Variants in STARD13 observed in about 807,000 individuals in gnomAD.
STARD13 encodes the protein StAR related lipid transfer domain containing 13.
In STARD13, 62 loss-of-function variants were observed where a neutral mutation model predicts 106.4. The observed-to-expected ratio is 0.58, with a 90% confidence interval of 0.48 to 0.72. STARD13 has a LOEUF of 0.72. Ranked by LOEUF, STARD13 falls within the 30% of genes least tolerant of loss-of-function variation. The pLI is 0.00. For missense variants in STARD13, 1,387 were observed against 1,424.0 expected, an observed-to-expected ratio of 0.97 and a Z score of 0.42; for synonymous variants, 565 against 553.0, an observed-to-expected ratio of 1.02 and a Z score of -0.31.
At chr13:33,175,259 T>G (rs1326225281) in intron 1 of STARD13, among the ~76,000 whole-genome samples, 1 of 152,198 alleles carries the variant, frequency 6.6e-6, no homozygotes, top group East Asian at 1.9e-4. Context: ...GGAGGCTGCA[T>G]GCATACATCC....
the STARD13 span, among the ~76,000 whole-genome samples, chr13:33,518,009 AAACAACAAC>A: frequency 0.01 from 1,535 of 150,450 alleles, 27 homozygotes; most frequent in African/African-American, 0.033. Flanking sequence ...TGGCAAAAAC[AAACAACAAC>A]AACAACAACA....
intron 1 of STARD13, among the ~76,000 whole-genome samples, chr13:33,251,910 C>T (rs11619441): frequency 0.21 from 31,917 of 152,106 alleles, 3,592 homozygotes; most frequent in Non-Finnish European, 0.24. Flanking sequence ...AATTCCCTTC[C>T]TTTCCAAAAC....
rs536099947 is a variant in STARD13 at position 33,205,858 on chromosome 13, A to G, written c.170-38236T>C. On this transcript the variant is annotated intron_variant, in intron 1 of 13. Transcript: ENST00000336934. ...TCCTTAGGCTGTGCTGTACCTTTCA[A>G]ACAAAACCCCTCTCTTCTTCAATTC... The G allele has an allele frequency of 4.1e-6, 4 of 985,434 alleles. No homozygotes were observed. In the African/African-American group the frequency reaches 7.0e-5, roughly 17 times the overall value. The allele number at this position is 985,434 out of a possible 1,614,324, so 61.0% of individuals were successfully genotyped here. A position where few individuals can be genotyped will look rare whatever the true frequency, so the allele number is the denominator to read the frequency against.
chr13:33,590,131 A>G, the STARD13 span, among the ~76,000 whole-genome samples: 1 of 152,172 alleles, frequency 6.6e-6, no homozygotes, highest in Non-Finnish European at 1.5e-5. Context: ...GAGAAATGCA[A>G]ATCAAAACCA....
the STARD13 span, among the ~76,000 whole-genome samples, chr13:33,592,976 A>C: frequency 6.6e-6 from 1 of 151,966 alleles, no homozygotes; most frequent in Non-Finnish European, 1.5e-5. Context: ...GAGGCTGAAG[A>C]CCACTTGGAT....
intron 1 of STARD13, among the ~76,000 whole-genome samples, chr13:33,308,520 C>CTTTTTTTTTTTTTTCT (rs1893004155): frequency 2.3e-5 from 2 of 88,554 alleles, no homozygotes; most frequent in African/African-American, 8.8e-5. Context: ...CTTTTTCTTT[C>CTTTTTTTTTTTTTTCT]TTTTTTTTTT....
the STARD13 span, among the ~76,000 whole-genome samples, chr13:33,503,526 T>G: frequency 6.6e-6 from 1 of 152,238 alleles, no homozygotes; most frequent in Non-Finnish European, 1.5e-5. Context: ...TTTAGTGCTA[T>G]AAATTTCCCT....
the STARD13 span, among the ~76,000 whole-genome samples, chr13:33,638,273 C>T: frequency 6.6e-6 from 1 of 152,080 alleles, no homozygotes; most frequent in Non-Finnish European, 1.5e-5. Context: ...TCAATCAATA[C>T]ATGTAAGATA....
chr13:33,461,845 A>AT, the STARD13 span, among the ~76,000 whole-genome samples: 1 of 152,240 alleles, frequency 6.6e-6, no homozygotes, highest in Non-Finnish European at 1.5e-5. Context: ...CCAAAAAAAA[A>AT]TCTATCCTCT....
rs1196906087 is a variant in STARD13 at position 33,129,635 on chromosome 13, G to A, written c.1042C>T (p.Leu348=). 3 of 1,613,802 alleles carry A rather than the reference G, an allele frequency of 1.9e-6. No homozygotes were observed. The highest frequency in any genetic ancestry group is 2.5e-6 in the Non-Finnish European group (3 of 1,180,044). The stretch of plus-strand genomic sequence containing the variant: ...GCCTCGTGGCACTTGCGTTCCTTCA[G>A]GCAGGGCGTGCTCACCCCGCTGCTG... ...HSSSGVSTPC[L]KERKCHEANK... Residue 348 remains leucine (L), a synonymous_variant, in exon 5 of 14, where the codon CTG becomes TTG. Coordinates refer to ENST00000336934, the MANE Select transcript of STARD13 (RefSeq NM_178006.4).
intron 1 of STARD13, among the ~76,000 whole-genome samples, chr13:33,233,738 A>G (rs560234852): frequency 1.1e-3 from 149 of 139,978 alleles, no homozygotes; most frequent in Non-Finnish European, 2.8e-4. Flanking sequence ...TGGCAGAACT[A>G]AAGGAGCACT....
At chr13:33,184,508 C>T (rs996208232) in intron 1 of STARD13, among the ~76,000 whole-genome samples, 1 of 152,134 alleles carries the variant, frequency 6.6e-6, no homozygotes, top group African/African-American at 2.4e-5. Context: ...TTAAAAAAAT[C>T]TTTCAGAGAG....
intron 3 of STARD13, among the ~76,000 whole-genome samples, chr13:33,159,562 T>A (rs1173506040): frequency 6.6e-6 from 1 of 152,236 alleles, no homozygotes; most frequent in African/African-American, 2.4e-5. Flanking sequence ...AATAGAATTT[T>A]TATTCTTGGT....
chr13:33,184,499 T>TA (rs1191364730), intron 1 of STARD13, among the ~76,000 whole-genome samples: 25 of 152,276 alleles, frequency 1.6e-4, no homozygotes, highest in Admixed American at 1.1e-3. Flanking sequence ...GTTGGAATTT[T>TA]AAAAAAATCT....
the STARD13 span, among the ~76,000 whole-genome samples, chr13:33,455,456 A>C: frequency 1.3e-5 from 2 of 152,210 alleles, no homozygotes; most frequent in African/African-American, 4.8e-5. Flanking sequence ...GCTGAAGGAC[A>C]GAAGGGAATA....
At chr13:33,462,197 C>A in the STARD13 span, among the ~76,000 whole-genome samples, 1 of 152,190 alleles carries the variant, frequency 6.6e-6, no homozygotes, top group Non-Finnish European at 1.5e-5. Flanking sequence ...TGAAGTCCAC[C>A]TTTAAAGTGT....
At chr13:33,663,455 T>A in the STARD13 span, among the ~76,000 whole-genome samples, 19 of 152,118 alleles carry the variant, frequency 1.2e-4, no homozygotes, top group Admixed American at 1.2e-3. Context: ...AAAGTTGAAA[T>A]AGTAATAGTA....
At chr13:33,276,795 G>A (rs1302988513) in intron 1 of STARD13, 2 of 152,040 alleles carry the variant, frequency 1.3e-5, no homozygotes, top group East Asian at 1.9e-4. Flanking sequence ...GCATTGTTTC[G>A]CCCTTGTGTT....
chr13:33,245,750 G>A (rs1594159819), intron 1 of STARD13, among the ~76,000 whole-genome samples: 1 of 152,314 alleles, frequency 6.6e-6, no homozygotes, highest in South Asian at 2.1e-4. Context: ...AAGTGGAACT[G>A]TCATTCTGTC....
Sources: gnomAD v4.1 joint callset for allele counts (sites outside exome capture counted in the v4.1 genomes callset) on GRCh38, gnomAD v4.1.1 for gene constraint, MANE v1.5 for transcripts, NCBI Gene and HGNC (gene_info 2026-07-23, HGNC 2026-07-21) for gene names.